Variants in DPP6 observed in about 807,000 individuals in gnomAD.
The protein encoded by DPP6 is dipeptidyl peptidase like 6, also known as A-type potassium channel modulatory protein DPP6.
In DPP6, 69 loss-of-function variants were observed where a neutral mutation model predicts 122.6. The ratio of observed to expected loss-of-function variants is 0.56; its 90% CI spans 0.46 to 0.69. DPP6 has a LOEUF of 0.69. DPP6 is among the 30% of genes least tolerant of loss of function. The pLI, the probability that DPP6 is intolerant of heterozygous loss-of-function variation, is 0.00. For missense variants in DPP6, 928 were observed against 1,116.9 expected (o/e 0.83, Z 2.41); for synonymous variants, 418 against 433.1 (o/e 0.97, Z 0.43).
At chr7:154,001,126 A>G (rs1797669744) in intron 1 of DPP6, among the ~76,000 whole-genome samples, 1 of 151,808 alleles carries the variant, frequency 6.6e-6, no homozygotes, top group Non-Finnish European at 1.5e-5. Flanking sequence ...GCAGTGAGGC[A>G]CAGCCTAGGG....
At chr7:154,232,966 A>G (rs1472803239) in intron 1 of DPP6, among the ~76,000 whole-genome samples, 1 of 152,222 alleles carries the variant, frequency 6.6e-6, no homozygotes, top group African/African-American at 2.4e-5. Context: ...CTCACTATTT[A>G]TATCACAGAT....
chr7:154,640,149 G>T (rs964733453), intron 6 of DPP6, among the ~76,000 whole-genome samples: 2 of 152,174 alleles, frequency 1.3e-5, no homozygotes, highest in Non-Finnish European at 2.9e-5. Flanking sequence ...CTACTCAGGA[G>T]GCTGAGGCAG....
upstream of DPP6, among the ~76,000 whole-genome samples, chr7:154,050,829 A>G (rs976871741): frequency 7.2e-6 from 1 of 139,638 alleles, no homozygotes; most frequent in Non-Finnish European, 1.6e-5. Flanking sequence ...GTTTCTTCAT[A>G]GTAAAGGGTA....
intron 22 of DPP6, 111 bp from the exon 23 acceptor site, chr7:154,887,565 G>A (rs1251254332): frequency 2.3e-5 from 24 of 1,033,726 alleles, no homozygotes; most frequent in East Asian, 4.7e-5. Flanking sequence ...AAGTGGGAAT[G>A]AGCCTGAGTC....
intron 8 of DPP6, among the ~76,000 whole-genome samples, chr7:154,747,310 C>T (rs2131437665): frequency 6.6e-6 from 1 of 152,308 alleles, no homozygotes; most frequent in Non-Finnish European, 1.5e-5. Flanking sequence ...AACATAGGCT[C>T]TTAGAAGGTT....
At position 154,444,315 on chromosome 7, in the gene DPP6, A is replaced by AG. The variant is rs1819673130; in HGVS notation, c.244-1899_244-1898insG. ...TACTAAATAGACAAAAAAAAAAAAA[A>AG]TTAGCCAGGTGTGATTGTGGGCGCC... On this transcript the variant is annotated intron_variant, in intron 1 of 25. Coordinates refer to ENST00000377770, the MANE Select transcript of DPP6 (RefSeq NM_130797.4). Among the ~76,000 whole-genome samples, 3 of 151,792 alleles carry AG rather than the reference A, an allele frequency of 2.0e-5. 1 individual carries two copies. The South Asian group carries it at 6.2e-4, about 32-fold the overall frequency.
At chr7:154,832,578 A>T (rs961291639) in intron 16 of DPP6, among the ~76,000 whole-genome samples, 1 of 152,170 alleles carries the variant, frequency 6.6e-6, no homozygotes, top group Non-Finnish European at 1.5e-5. Context: ...GAGGGCACAC[A>T]GCTGATCAGG....
intron 1 of DPP6, among the ~76,000 whole-genome samples, chr7:154,128,407 T>G (rs1808093650): frequency 6.6e-6 from 1 of 152,156 alleles, no homozygotes; most frequent in African/African-American, 2.4e-5. Context: ...AGACTGTCTA[T>G]TTTTCTTTTT....
intron 6 of DPP6, among the ~76,000 whole-genome samples, chr7:154,639,075 C>A (rs934928800): frequency 6.6e-6 from 1 of 152,168 alleles, no homozygotes; most frequent in Admixed American, 6.5e-5. Context: ...CATAGGTGAG[C>A]ATTAATCACA....
At chr7:154,213,068 C>G (rs887904810) in intron 1 of DPP6, among the ~76,000 whole-genome samples, 3 of 152,142 alleles carry the variant, frequency 2.0e-5, no homozygotes, top group East Asian at 1.9e-4. Context: ...CTGCTGCTCT[C>G]GAAGGGCTGT....
At chr7:154,352,911 T>C (rs1265880410) in intron 1 of DPP6, among the ~76,000 whole-genome samples, 2 of 152,240 alleles carry the variant, frequency 1.3e-5, no homozygotes, top group African/African-American at 2.4e-5. Flanking sequence ...TTGTTTGTTT[T>C]TACTTATTGT....
chr7:153,973,675 G>GTGTGTGTGTC (rs61194333), intron 1 of DPP6, among the ~76,000 whole-genome samples: 280 of 133,050 alleles, frequency 2.1e-3, no homozygotes, highest in Non-Finnish European at 2.9e-3. Flanking sequence ...GTGTGTGTGT[G>GTGTGTGTGTC]TCTAATGGTA....
In DPP6 at chr7:154,837,116, CACAT is replaced by C. The variant is rs369553930; in HGVS notation, c.1667-16663_1667-16660del. Among the ~76,000 whole-genome samples, 304 of 152,210 alleles carry C rather than the reference CACAT, an allele frequency of 2.0e-3. 2 individuals are homozygous for C. The highest frequency in any genetic ancestry group is 6.8e-3 in the Middle Eastern group (2 of 292). On this transcript the variant is annotated intron_variant, in intron 16 of 25. Transcript: ENST00000377770. ...ATTCACACACCTGCATGCACACACA[CACAT>C]GCATGCAGGCACATTCACACATGCA...
At chr7:154,838,286 T>C (rs1409070143) in intron 16 of DPP6, 1 of 152,238 alleles carries the variant, frequency 6.6e-6, no homozygotes, top group African/African-American at 2.4e-5. Flanking sequence ...CCAAATGTTT[T>C]CAAACTTGTT....
intron 1 of DPP6, among the ~76,000 whole-genome samples, chr7:153,960,656 T>G (rs999128439): frequency 9.4e-6 from 1 of 106,020 alleles, no homozygotes; most frequent in African/African-American, 3.1e-5. Flanking sequence ...TGTGTGTGCA[T>G]GTGTGTGCGG....
chr7:154,091,544 G>A (rs919192780), intron 1 of DPP6, among the ~76,000 whole-genome samples: 24 of 152,258 alleles, frequency 1.6e-4, no homozygotes, highest in South Asian at 6.2e-4. Context: ...GTTGTGTCCC[G>A]TCAGAAGCAT....
At chr7:153,849,332 C>T in the DPP6 span, among the ~76,000 whole-genome samples, 6 of 151,748 alleles carry the variant, frequency 4.0e-5, no homozygotes, top group Non-Finnish European at 8.8e-5. Flanking sequence ...CAATTATACC[C>T]ACAACTCCCT....
At chr7:154,011,430 C>G (rs929093584) in intron 1 of DPP6, among the ~76,000 whole-genome samples, 3 of 152,102 alleles carry the variant, frequency 2.0e-5, no homozygotes, top group Admixed American at 6.6e-5. Context: ...TTCCATTGCA[C>G]AATAGGCAGT....
chr7:154,455,994 A>G (rs1208458122), intron 2 of DPP6, among the ~76,000 whole-genome samples: 1 of 152,134 alleles, frequency 6.6e-6, no homozygotes, highest in Non-Finnish European at 1.5e-5. Flanking sequence ...TGGCTCCTAT[A>G]TTAGTTGCTA....
Sources: allele counts gnomAD v4.1 joint callset (sites outside exome capture counted in the v4.1 genomes callset), GRCh38; gene constraint gnomAD v4.1.1; transcripts MANE v1.5; gene names NCBI Gene and HGNC (gene_info 2026-07-23, HGNC 2026-07-21).